TMEM178B: variants seen among roughly 807,000 people sequenced by gnomAD.
The protein encoded by TMEM178B is transmembrane protein 178B.
In TMEM178B, 5 loss-of-function variants were observed where a neutral mutation model predicts 31.0. That is an observed-to-expected ratio of 0.16 (90% CI 0.08 to 0.34). The LOEUF (loss-of-function observed/expected upper bound fraction) is 0.34, where lower values mean the gene tolerates loss of function less well. TMEM178B is among the 10% of genes least tolerant of loss of function. The probability of loss-of-function intolerance (pLI) is 1.00; values close to 1 mark genes in which losing one functional copy is unlikely to be tolerated. For synonymous variants in TMEM178B, 164 were observed against 164.0 expected (o/e 1.00, Z 0.00); for missense variants, 275 against 400.3 (o/e 0.69, Z 2.67).
At chr7:141,462,551 C>A (rs1484231808) in intron 3 of TMEM178B, among the ~76,000 whole-genome samples, 2 of 151,670 alleles carry the variant, frequency 1.3e-5, no homozygotes, top group African/African-American at 4.8e-5. Flanking sequence ...AAGCCTGGAG[C>A]CAGGGCAGCT....
At chr7:141,348,432 C>G (rs1042603236) in intron 2 of TMEM178B, among the ~76,000 whole-genome samples, 4 of 152,150 alleles carry the variant, frequency 2.6e-5, no homozygotes, top group African/African-American at 9.7e-5. Flanking sequence ...TGTGAAGGAA[C>G]GGCATTCCGA....
chr7:141,510,258 C>T, the TMEM178B span, among the ~76,000 whole-genome samples: 501 of 152,188 alleles, frequency 3.3e-3, 6 homozygotes, highest in African/African-American at 0.01. Flanking sequence ...AGATAACTCC[C>T]TTGTGTAGTT....
intron 3 of TMEM178B, among the ~76,000 whole-genome samples, chr7:141,459,738 C>T (rs1251578082): frequency 1.3e-5 from 2 of 152,100 alleles, no homozygotes; most frequent in Non-Finnish European, 2.9e-5. Flanking sequence ...TGTAATGAAA[C>T]CCTTTGAACA....
intron 2 of TMEM178B, among the ~76,000 whole-genome samples, chr7:141,218,455 C>G (rs191708366): frequency 6.6e-6 from 1 of 152,302 alleles, no homozygotes; most frequent in Admixed American, 6.5e-5. Context: ...TTACTGCAGA[C>G]ATGTGGATGA....
At chr7:141,082,674 C>T (rs545637470) in intron 1 of TMEM178B, among the ~76,000 whole-genome samples, 21 of 152,332 alleles carry the variant, frequency 1.4e-4, no homozygotes, top group Non-Finnish European at 2.6e-4. Flanking sequence ...GTTTTGAGCA[C>T]CTGCTGTGTG....
chr7:141,216,304 C>T (rs1046864333), intron 2 of TMEM178B, among the ~76,000 whole-genome samples: 1 of 152,064 alleles, frequency 6.6e-6, no homozygotes, highest in Non-Finnish European at 1.5e-5. Context: ...CGCTCATACA[C>T]CTTATGGTCG....
chr7:141,369,315 ACGTGTG>A (rs1348946988), intron 2 of TMEM178B, among the ~76,000 whole-genome samples: 47 of 108,864 alleles, frequency 4.3e-4, no homozygotes, highest in African/African-American at 1.6e-3. Flanking sequence ...CTCCGCGCCG[ACGTGTG>A]TGTGTGTGTG....
In TMEM178B at chr7:141,344,521, T is replaced by C. The variant is rs1050044937; in HGVS notation, c.497-93087T>C. Among the ~76,000 whole-genome samples, 1 of 152,188 alleles carries C rather than the reference T, an allele frequency of 6.6e-6. No homozygotes were observed. Among genetic ancestry groups the C allele is most frequent in the African/African-American group, 2.4e-5 (1 of 41,446 alleles). ...ATTTTTAAAAATGTAATTTTAAGAC[T>C]TTTTAAAGCTGGGATTTTAGTTTCT... On this transcript the variant is annotated intron_variant, in intron 2 of 3. Transcript: ENST00000565468. This position sits in a 1 kb window ranked among gnomAD's most constrained non-coding sequence, Gnocchi z 4.1.
intron 2 of TMEM178B, among the ~76,000 whole-genome samples, chr7:141,333,221 T>C (rs1323826238): frequency 3.3e-5 from 5 of 152,238 alleles, no homozygotes; most frequent in African/African-American, 1.2e-4. Flanking sequence ...CGTTAGTTGG[T>C]AGGCCTTGGC....
At chr7:141,150,258 C>T (rs1177706157) in intron 1 of TMEM178B, among the ~76,000 whole-genome samples, 1 of 152,104 alleles carries the variant, frequency 6.6e-6, no homozygotes, top group Non-Finnish European at 1.5e-5. Flanking sequence ...CCTGAACGGC[C>T]TTGAAACATC....
intron 2 of TMEM178B, among the ~76,000 whole-genome samples, chr7:141,305,362 A>G (rs1291631456): frequency 6.6e-6 from 1 of 152,206 alleles, no homozygotes; most frequent in Non-Finnish European, 1.5e-5. Context: ...ATACCCACCC[A>G]ATGAGTTGGC....
At position 141,477,589 on chromosome 7, in the gene TMEM178B, C is replaced by T. The variant is rs183064260; in HGVS notation, c.*6803C>T. On this transcript the variant is annotated 3_prime_UTR_variant, in exon 4 of 4. Coordinates refer to ENST00000565468, the MANE Select transcript of TMEM178B (RefSeq NM_001195278.2). ...TGACAAAGACCTGACTCTGGGGTGG[C>T]ATGAGTGGCCCTGTCACCGGCTCAC... 1 of 152,306 alleles carries T rather than the reference C, an allele frequency of 6.6e-6. No individual in the cohort carries two copies. Among genetic ancestry groups the T allele is most frequent in the Admixed American group, 6.5e-5 (1 of 15,296 alleles). The allele number at this position is 152,306 out of a possible 1,614,324, so 9.4% of individuals were successfully genotyped here. A position where few individuals can be genotyped will look rare whatever the true frequency, so the allele number is the denominator to read the frequency against.
chr7:141,109,947 T>G (rs527924337), intron 1 of TMEM178B, among the ~76,000 whole-genome samples: 4 of 151,272 alleles, frequency 2.6e-5, no homozygotes, highest in African/African-American at 7.3e-5. Context: ...TCTCTGTCGC[T>G]CTCTCTCTCT....
intron 1 of TMEM178B, among the ~76,000 whole-genome samples, chr7:141,110,765 G>T (rs1211907720): frequency 1.3e-5 from 2 of 152,150 alleles, no homozygotes; most frequent in Non-Finnish European, 2.9e-5. Flanking sequence ...CCCTAGTGTG[G>T]CTGTATCTGG....
At chr7:141,256,647 T>G (rs1797933987) in intron 2 of TMEM178B, among the ~76,000 whole-genome samples, 1 of 152,024 alleles carries the variant, frequency 6.6e-6, no homozygotes, top group African/African-American at 2.4e-5. Flanking sequence ...GATATATACT[T>G]GAAAGGTCTG....
In TMEM178B at chr7:141,412,850, A is replaced by C. The variant is rs183485310; in HGVS notation, c.497-24758A>C. ...TACAGAGGGGGAAACTGAAGCATAGAGATAAACAGTCTGACAAGAGCCAAT... is the reference window on the plus strand; with the variant it reads ...TACAGAGGGGGAAACTGAAGCATAGCGATAAACAGTCTGACAAGAGCCAAT... On this transcript the variant is annotated intron_variant, in intron 2 of 3. Transcript: ENST00000565468. Among the ~76,000 whole-genome samples the C allele has an allele frequency of 1.6e-3, 245 of 152,316 alleles. 2 individuals are homozygous for C. Among genetic ancestry groups the C allele is most frequent in the African/African-American group, 5.6e-3 (232 of 41,570 alleles).
chr7:141,396,886 A>G (rs943326148), intron 2 of TMEM178B, among the ~76,000 whole-genome samples: 1 of 152,208 alleles, frequency 6.6e-6, no homozygotes, highest in African/African-American at 2.4e-5. Context: ...TCTCACCATC[A>G]ATTCTGTATG....
At chr7:141,355,243 G>A (rs1356017987) in intron 2 of TMEM178B, among the ~76,000 whole-genome samples, 3 of 152,182 alleles carry the variant, frequency 2.0e-5, no homozygotes, top group Admixed American at 6.5e-5. Context: ...GGCTTTGGCT[G>A]CTGTTCAGAC....
chr7:141,213,218 G>A (rs1242977317), intron 2 of TMEM178B, among the ~76,000 whole-genome samples: 2 of 152,200 alleles, frequency 1.3e-5, no homozygotes, highest in Non-Finnish European at 2.9e-5. Context: ...ACCCTCAAAT[G>A]ATAGGTTTTG....
Sources: gnomAD v4.1 joint callset for allele counts (sites outside exome capture counted in the v4.1 genomes callset) on GRCh38, gnomAD v4.1.1 for gene constraint, Gnocchi (gnomAD v3.1) non-coding constraint, MANE v1.5 for transcripts, NCBI Gene and HGNC (gene_info 2026-07-23, HGNC 2026-07-21) for gene names.